The following BCL9 variants were observed in gnomAD, a reference collection of about 807,000 sequenced individuals.
The protein encoded by BCL9 is B-cell CLL/lymphoma 9 protein.
A neutral mutation model predicts 88.5 loss-of-function variants in BCL9; 25 were observed. The observed-to-expected ratio is 0.28, with a 90% CI of 0.21 to 0.39. The LOEUF (loss-of-function observed/expected upper bound fraction) is 0.39, where lower values mean the gene tolerates loss of function less well. BCL9 is among the 10% of genes least tolerant of loss of function. The probability of loss-of-function intolerance (pLI) is 1.00; values close to 1 mark genes in which losing one functional copy is unlikely to be tolerated. For missense variants in BCL9, 1,817 were observed against 1,877.8 expected, an observed-to-expected ratio of 0.97 and a Z score of 0.60; for synonymous variants, 711 against 673.3, an observed-to-expected ratio of 1.06 and a Z score of -0.87.
intron 1 of BCL9, among the ~76,000 whole-genome samples, chr1:147,556,913 G>A (rs1655140733): frequency 6.6e-6 from 1 of 152,170 alleles, no homozygotes. Context: ...ACCTAGAGCA[G>A]TGATGGGTAT....
intron 1 of BCL9, among the ~76,000 whole-genome samples, chr1:147,546,627 G>A (rs1553194276): frequency 6.6e-6 from 1 of 152,136 alleles, no homozygotes; most frequent in African/African-American, 2.4e-5. Context: ...TCTGTGAATA[G>A]GATACTTCAT....
chr1:147,620,985 C>A lies in BCL9; in HGVS notation c.2830C>A (p.Pro944Thr). ...TSSPKPPLQSPGIPPNHKAPL... is the reference protein window; with the variant it reads ...TSSPKPPLQSTGIPPNHKAPL... ...TTCTCCAAAACCTCCCCTTCAGAGTCCTGGGATCCCTCCAAACCATAAAGC... is the reference window on the plus strand; with the variant it reads ...TTCTCCAAAACCTCCCCTTCAGAGTACTGGGATCCCTCCAAACCATAAAGC... The change falls in exon 8 of 10, where the codon CCT (proline) becomes ACT (threonine). Residue 944 changes from proline to threonine, a missense_variant. Pro to Thr is a conservative substitution (Grantham distance 38). Around this residue, in one of 2 missense-constraint regions of BCL9, gnomAD observed 589 missense variants for 686.2 expected, o/e 0.86. Transcript: ENST00000234739. 2 of 1,614,206 alleles carry A rather than the reference C, an allele frequency of 1.2e-6. No individual in the cohort carries two copies. Among genetic ancestry groups the A allele is most frequent in the Middle Eastern group, 1.7e-4 (1 of 6,060 alleles).
At position 147,620,645 on chromosome 1, in the gene BCL9, C is replaced by T. The variant is rs1658577242; in HGVS notation, c.2490C>T (p.Ser830=). Residue 830 remains serine (S), a synonymous_variant, in exon 8 of 10, where the codon AGC becomes AGT. Coordinates refer to ENST00000234739, the MANE Select transcript of BCL9 (RefSeq NM_004326.4). ...LPLNPSSNPT[S]LNTAPPVQRG... ...TCAACCCTTCCAGTAACCCCACCAG[C>T]CTCAACACAGCTCCTCCAGTTCAGC... The T allele has an allele frequency of 6.2e-7, 1 of 1,614,068 alleles. No individual in the cohort carries two copies. Among genetic ancestry groups the T allele is most frequent in the African/African-American group, 1.3e-5 (1 of 74,912 alleles).
intron 1 of BCL9, among the ~76,000 whole-genome samples, chr1:147,602,682 G>GAGGT (rs1657457981): frequency 6.6e-6 from 1 of 152,076 alleles, no homozygotes; most frequent in African/African-American, 2.4e-5. Context: ...GATAGACAGG[G>GAGGT]AGGTCATTGG....
chr1:147,620,900 T>G lies in BCL9; in HGVS notation c.2745T>G (p.Ala915=), dbSNP rs782094692. 3.0e-5 allele frequency: 48 copies of G among 1,614,074 alleles called. No homozygotes were observed. Among genetic ancestry groups the G allele is most frequent in the Non-Finnish European group, 3.7e-5 (44 of 1,180,042 alleles). Residue 915 remains alanine (A), a synonymous_variant, in exon 8 of 10, where the codon GCT becomes GCG. Coordinates refer to ENST00000234739, the MANE Select transcript of BCL9 (RefSeq NM_004326.4). The stretch of plus-strand genomic sequence containing the variant: ...CCCCCCCTGTTTTGGGGTCTGCTGC[T>G]GCTTCACCTGTCCACCTCAAGTCTC... ...IKSPPVLGSA[A]ASPVHLKSPS... is the part of the protein sequence containing the mutation.
chr1:147,608,243 T>C (rs893540016), intron 3 of BCL9, among the ~76,000 whole-genome samples: 22 of 151,102 alleles, frequency 1.5e-4, no homozygotes, highest in Admixed American at 1.1e-3. Context: ...GAATGGCAAG[T>C]GAGGAAGTGA....
At chr1:147,585,154 C>A (rs74793072) in intron 1 of BCL9, among the ~76,000 whole-genome samples, 1 of 151,980 alleles carries the variant, frequency 6.6e-6, no homozygotes. Context: ...TTTAGGGGAG[C>A]GGAGATTGTG....
In BCL9 at chr1:147,564,894, G is replaced by A. The variant is rs1261757578; in HGVS notation, c.-478+23220G>A. 3.9e-5 allele frequency among the ~76,000 whole-genome samples: 6 copies of A among 152,026 alleles called. 1 individual carries two copies. The highest frequency in any genetic ancestry group is 1.5e-4 in the African/African-American group (6 of 41,378). On this transcript the variant is annotated intron_variant, in intron 1 of 9. Coordinates refer to ENST00000234739, the MANE Select transcript of BCL9 (RefSeq NM_004326.4). ...CGGTCCAATATGGTAACCACTATCC[G>A]TATGTGGCCATTTAAATTTAAATTA...
At chr1:147,569,353 G>A (rs12131814) in intron 1 of BCL9, among the ~76,000 whole-genome samples, 11 of 151,672 alleles carry the variant, frequency 7.3e-5, no homozygotes, top group Middle Eastern at 3.2e-3. Context: ...ACTTGCCTGG[G>A]TAACTATACC....
At chr1:147,569,739 C>G (rs1226704037) in intron 1 of BCL9, among the ~76,000 whole-genome samples, 1 of 152,116 alleles carries the variant, frequency 6.6e-6, no homozygotes, top group Non-Finnish European at 1.5e-5. Context: ...TATTAACTAG[C>G]AGACTGTCAT....
intron 1 of BCL9, among the ~76,000 whole-genome samples, chr1:147,583,820 G>C (rs1656477678): frequency 6.6e-6 from 1 of 151,316 alleles, no homozygotes. Flanking sequence ...GGGCATGGTG[G>C]CTGGCACTTG....
At chr1:147,608,817 A>G (rs1215217570) in intron 3 of BCL9, among the ~76,000 whole-genome samples, 1 of 152,214 alleles carries the variant, frequency 6.6e-6, no homozygotes, top group Non-Finnish European at 1.5e-5. Context: ...CACCTTGCCC[A>G]CCAAGGCTCT....
intron 1 of BCL9, among the ~76,000 whole-genome samples, chr1:147,602,197 C>A (rs1409542768): frequency 7.5e-6 from 1 of 133,848 alleles, no homozygotes; most frequent in African/African-American, 2.9e-5. Flanking sequence ...CCACCGCGCC[C>A]GGCTAGAAGA....
intron 1 of BCL9, among the ~76,000 whole-genome samples, chr1:147,585,272 C>A (rs1553199067): frequency 6.6e-6 from 1 of 152,036 alleles, no homozygotes; most frequent in South Asian, 2.1e-4. Context: ...CAGTTTTTTG[C>A]CTTCTGTTTT....
chr1:147,594,089 G>A (rs1553200238), intron 1 of BCL9, among the ~76,000 whole-genome samples: 1 of 152,104 alleles, frequency 6.6e-6, no homozygotes, highest in African/African-American at 2.4e-5. Flanking sequence ...GCCCTCATTG[G>A]GCTCAGCAGA....
At chr1:147,544,886 A>T (rs1654485710) in intron 1 of BCL9, among the ~76,000 whole-genome samples, 1 of 152,118 alleles carries the variant, frequency 6.6e-6, no homozygotes, top group Non-Finnish European at 1.5e-5. Flanking sequence ...TGGAAAGAAT[A>T]TAGTGTCTGG....
intron 3 of BCL9, among the ~76,000 whole-genome samples, chr1:147,610,472 G>C (rs1347235425): frequency 6.6e-6 from 1 of 152,108 alleles, no homozygotes; most frequent in South Asian, 2.1e-4. Context: ...CTACAACCTA[G>C]GATATAATTG....
chr1:147,554,860 G>A (rs1655035355), intron 1 of BCL9, among the ~76,000 whole-genome samples: 1 of 152,164 alleles, frequency 6.6e-6, no homozygotes, highest in Non-Finnish European at 1.5e-5. Flanking sequence ...AGTATTGGTT[G>A]TTGAGAGTGC....
At chr1:147,595,045 A>T (rs1439321973) in intron 1 of BCL9, among the ~76,000 whole-genome samples, 2 of 152,098 alleles carry the variant, frequency 1.3e-5, no homozygotes, top group Non-Finnish European at 2.9e-5. Context: ...AGTGTAGAAG[A>T]AGTGTGGATA....
Sources: allele counts gnomAD v4.1 joint callset (sites outside exome capture counted in the v4.1 genomes callset), GRCh38; gene constraint gnomAD v4.1.1; regional missense constraint gnomAD v4.1.1; transcripts MANE v1.5; gene names NCBI Gene and HGNC (gene_info 2026-07-23, HGNC 2026-07-21).